The following RBBP7 variants were observed in gnomAD, a reference collection of about 807,000 sequenced individuals.
RBBP7 encodes the protein histone-binding protein RBBP7.
A neutral mutation model predicts 35.2 loss-of-function variants in RBBP7; 5 were observed. The ratio of observed to expected loss-of-function variants is 0.14; its 90% CI spans 0.07 to 0.30. The LOEUF (loss-of-function observed/expected upper bound fraction) is 0.30. RBBP7 is among the 10% of genes least tolerant of loss of function. The probability of loss-of-function intolerance (pLI) is 1.00; values close to 1 mark genes in which losing one functional copy is unlikely to be tolerated. For missense variants in RBBP7, 155 were observed against 327.5 expected, an observed-to-expected ratio of 0.47 and a Z score of 4.07; for synonymous variants, 140 against 118.7, an observed-to-expected ratio of 1.18 and a Z score of -1.17.
intron 8 of RBBP7, 174 bp downstream of exon 8, chrX:16,852,377 C>G: frequency 1.7e-6 from 1 of 597,130 alleles, no homozygotes. Flanking sequence ...CCATAACCAT[C>G]CCAGAAGCTT....
intron 2 of RBBP7, among the ~76,000 whole-genome samples, chrX:16,864,542 A>AAAAAAAAAAAAAAAAAAAAAG (rs1569063331): frequency 1.5e-4 from 6 of 40,706 alleles, no homozygotes; most frequent in African/African-American, 6.4e-4. Context: ...AAAAAAAAAA[A>AAAAAAAAAAAAAAAAAAAAAG]AAAAAGAAAA....
intron 10 of RBBP7, chrX:16,848,082 A>G (rs1930126307): frequency 8.9e-6 from 1 of 112,350 alleles, no homozygotes; most frequent in South Asian, 3.7e-4. Flanking sequence ...TTTATATGAA[A>G]TATCTAGAAT....
rs1930241885 is a variant in RBBP7, at chrX:16,852,794, G to A, written c.840C>T (p.Phe280=). Reference sequence around the variant, plus strand: ...CTAGAATAAATTCGCTGTAGGGATTGAATGAGAGGCAGTTGACTTCGGCAG... The same window carrying A: ...CTAGAATAAATTCGCTGTAGGGATTAAATGAGAGGCAGTTGACTTCGGCAG... The part of the protein sequence containing the change: ...AHTAEVNCLS[F]NPYSEFILAT... The change falls in exon 7 of 12, where the codon TTC becomes TTT. Residue 280 remains phenylalanine, a synonymous_variant. Transcript: ENST00000380087. 1.6e-6 allele frequency: 2 copies of A among 1,212,161 alleles called. No individual in the cohort carries two copies. Among genetic ancestry groups the A allele is most frequent in the African/African-American group, 1.7e-5 (1 of 57,898 alleles).
chrX:16,845,941 G>A lies in RBBP7; in HGVS notation c.1099-3C>T, dbSNP rs1394309191. 3 of 1,199,850 alleles carry A rather than the reference G, an allele frequency of 2.5e-6. No homozygotes were observed. Among genetic ancestry groups the A allele is most frequent in the South Asian group, 1.8e-5 (1 of 54,363 alleles). Reference sequence around the variant, plus strand: ...GCAGTGTGTCCTCCATGAATAAACTGTTACAAGAACAAAAAAAGCTTTGAT... The same window carrying A: ...GCAGTGTGTCCTCCATGAATAAACTATTACAAGAACAAAAAAAGCTTTGAT... On this transcript the variant is annotated splice_region_variant and splice_polypyrimidine_tract_variant and intron_variant, in intron 10 of 11. Coordinates refer to ENST00000380087, the MANE Select transcript of RBBP7 (RefSeq NM_002893.4).
intron 2 of RBBP7, among the ~76,000 whole-genome samples, chrX:16,867,438 T>C (rs1160443122): frequency 8.9e-6 from 1 of 111,874 alleles, no homozygotes; most frequent in Non-Finnish European, 1.9e-5. Context: ...AAACCAGAAC[T>C]TGAATACCCG....
intron 5 of RBBP7, among the ~76,000 whole-genome samples, chrX:16,854,432 T>A (rs1013620676): frequency 1.8e-5 from 2 of 110,224 alleles, no homozygotes; most frequent in African/African-American, 3.3e-5. Context: ...CATTCAGACA[T>A]TCAAGTACCC....
intron 1 of RBBP7, chrX:16,869,816 G>A (rs1930732212): frequency 1.2e-5 from 11 of 911,840 alleles, no homozygotes; most frequent in African/African-American, 2.1e-5. Flanking sequence ...GGGAAGAGGG[G>A]GGCCCAGCCC....
At chrX:16,868,201 C>A (rs1930673922) in intron 2 of RBBP7, among the ~76,000 whole-genome samples, 1 of 111,671 alleles carries the variant, frequency 9.0e-6, no homozygotes, top group South Asian at 3.7e-4. Context: ...TCAAGCTAAC[C>A]TTCCAAAGCA....
chrX:16,867,871 G>A (rs1352344831), intron 2 of RBBP7, among the ~76,000 whole-genome samples: 8 of 106,414 alleles, frequency 7.5e-5, no homozygotes, highest in Non-Finnish European at 1.5e-4. Flanking sequence ...TTTTAGTAGA[G>A]ATGGGATTTC....
chrX:16,869,643 G>C (rs202171012), intron 1 of RBBP7: 2 of 1,136,705 alleles, frequency 1.8e-6, no homozygotes, highest in Admixed American at 5.5e-5. Context: ...GGCAGCCATA[G>C]GCCTGAGGAC....
chrX:16,863,678 C>T (rs58572118), intron 2 of RBBP7, among the ~76,000 whole-genome samples: 3,629 of 112,040 alleles, frequency 0.032, 169 homozygotes, highest in African/African-American at 0.11. Context: ...ATAAAATAGG[C>T]TATAAGTGCA....
intron 10 of RBBP7, 157 bp from the exon 11 acceptor site, chrX:16,846,095 T>C (rs1930070735): frequency 5.3e-6 from 5 of 946,641 alleles, no homozygotes; most frequent in Non-Finnish European, 5.6e-6. Context: ...TTTATACTTA[T>C]TTTGCAAATT....
At chrX:16,866,523 C>CAAAAAAAAAAA (rs55729039) in intron 2 of RBBP7, among the ~76,000 whole-genome samples, 5 of 32,585 alleles carry the variant, frequency 1.5e-4, no homozygotes, top group Non-Finnish European at 1.5e-4. Context: ...GAGACTGTCT[C>CAAAAAAAAAAA]AAAAAAAAAA....
chrX:16,845,948 G>A lies in RBBP7; in HGVS notation c.1099-10C>T, dbSNP rs747794204. On this transcript the variant is annotated splice_polypyrimidine_tract_variant and intron_variant, in intron 10 of 11. Transcript: ENST00000380087. ...GTCCTCCATGAATAAACTGTTACAAGAACAAAAAAAGCTTTGATTTCATAT... is the reference window on the plus strand; with the variant it reads ...GTCCTCCATGAATAAACTGTTACAAAAACAAAAAAAGCTTTGATTTCATAT... The A allele has an allele frequency of 2.8e-5, 33 of 1,197,472 alleles. No individual in the cohort carries two copies. The highest frequency in any genetic ancestry group is 3.1e-5 in the Non-Finnish European group (28 of 891,242).
In RBBP7 at chrX:16,856,602, C is replaced by CA. The variant is rs200500552; in HGVS notation, c.597+991dup. Among the ~76,000 whole-genome samples, 45 of 107,723 alleles carry CA rather than the reference C, an allele frequency of 4.2e-4. 1 individual carries two copies. The highest frequency in any genetic ancestry group is 5.8e-4 in the East Asian group (2 of 3,449). 93.5% of individuals were successfully genotyped at this position (107,723 alleles called of 115,157 possible). On this transcript the variant is annotated intron_variant, in intron 5 of 11. Transcript: ENST00000380087. ...TCCCCACCCCCAAGCCAAAAACAAA[C>CA]AAAAAAAAACCCAGGAAATACCACT...
At chrX:16,859,641 C>T (rs1418850085) in intron 3 of RBBP7, among the ~76,000 whole-genome samples, 1 of 112,130 alleles carries the variant, frequency 8.9e-6, no homozygotes, top group Non-Finnish European at 1.9e-5. Flanking sequence ...TAGTTGCTGA[C>T]GCTTAAAAAG....
chrX:16,870,135 C>A lies in RBBP7; in HGVS notation c.-82G>T. On this transcript the variant is annotated 5_prime_UTR_variant, in exon 1 of 12. Coordinates refer to ENST00000380087, the MANE Select transcript of RBBP7 (RefSeq NM_002893.4). Reference sequence around the variant, plus strand: ...AGCAGCCCGACCGCTGGCGCTCCTGCCTTTCCCAAGCGCGTCACACTCCCC... The same window carrying A: ...AGCAGCCCGACCGCTGGCGCTCCTGACTTTCCCAAGCGCGTCACACTCCCC... 1 of 1,020,314 alleles carries A rather than the reference C, an allele frequency of 9.8e-7. No individual in the cohort carries two copies. The highest frequency in any genetic ancestry group is 1.3e-6 in the Non-Finnish European group (1 of 790,167). The allele number at this position is 1,020,314 out of a possible 1,213,427, so 84.1% of individuals were successfully genotyped here. A position where few individuals can be genotyped will look rare whatever the true frequency, so the allele number is the denominator to read the frequency against.
In RBBP7 at chrX:16,848,125, G is replaced by A. The variant is rs1930127697; in HGVS notation, c.1098+1119C>T. The A allele has an allele frequency of 4.5e-5, 5 of 112,175 alleles. No individual in the cohort carries two copies. The South Asian group carries it at 1.8e-3, about 41-fold the overall frequency. 9.2% of individuals were successfully genotyped at this position (112,175 alleles called of 1,213,427 possible). ...TCTTATAGTGCCAGAAAGTAGCACA[G>A]TAGTTGCCAAGGGCTGGAGGAAGAA... On this transcript the variant is annotated intron_variant, in intron 10 of 11. Coordinates refer to ENST00000380087, the MANE Select transcript of RBBP7 (RefSeq NM_002893.4).
At position 16,870,136 on chromosome X, in the gene RBBP7, C is replaced by T. The variant is rs1462170901; in HGVS notation, c.-83G>A. Reference sequence around the variant, plus strand: ...GCAGCCCGACCGCTGGCGCTCCTGCCTTTCCCAAGCGCGTCACACTCCCCA... The same window carrying T: ...GCAGCCCGACCGCTGGCGCTCCTGCTTTTCCCAAGCGCGTCACACTCCCCA... On this transcript the variant is annotated 5_prime_UTR_variant, in exon 1 of 12. Coordinates refer to ENST00000380087, the MANE Select transcript of RBBP7 (RefSeq NM_002893.4). The T allele has an allele frequency of 3.9e-6, 4 of 1,015,172 alleles. No individual in the cohort carries two copies. Among genetic ancestry groups the T allele is most frequent in the East Asian group, 8.4e-5 (2 of 23,838 alleles). 83.7% of individuals were successfully genotyped at this position (1,015,172 alleles called of 1,213,427 possible). A position where few individuals can be genotyped will look rare whatever the true frequency, so the allele number is the denominator to read the frequency against.
Sources: gnomAD v4.1 joint callset for allele counts (sites outside exome capture counted in the v4.1 genomes callset) on GRCh38, gnomAD v4.1.1 for gene constraint, MANE v1.5 for transcripts, NCBI Gene and HGNC (gene_info 2026-07-23, HGNC 2026-07-21) for gene names.